The following GABBR2 variants were observed in gnomAD, a reference collection of about 807,000 sequenced individuals.
The protein encoded by GABBR2 is G-protein coupled receptor 51.
A neutral mutation model predicts 105.6 loss-of-function variants in GABBR2; 23 were observed. That is an observed-to-expected ratio of 0.22 (90% CI 0.16 to 0.31). The LOEUF (loss-of-function observed/expected upper bound fraction) is 0.31. GABBR2 is among the 10% of genes least tolerant of loss of function. The pLI is 1.00. For synonymous variants in GABBR2, 478 were observed against 499.7 expected, an observed-to-expected ratio of 0.96 and a Z score of 0.58; for missense variants, 734 against 1,245.5, an observed-to-expected ratio of 0.59 and a Z score of 6.18.
At chr9:98,488,687 A>G (rs1827111845) in intron 4 of GABBR2, among the ~76,000 whole-genome samples, 1 of 151,986 alleles carries the variant, frequency 6.6e-6, no homozygotes, top group African/African-American at 2.4e-5. Flanking sequence ...AAGCCCTTTC[A>G]TTCCTGTTTT....
intron 3 of GABBR2, among the ~76,000 whole-genome samples, chr9:98,539,217 T>C (rs2131737581): frequency 6.6e-6 from 1 of 152,310 alleles, no homozygotes; most frequent in South Asian, 2.1e-4. Context: ...TCCCCATCTG[T>C]AAAATGGGAA....
chr9:98,453,915 C>A lies in GABBR2; in HGVS notation c.1236+66G>T, dbSNP rs1826278831. The A allele has an allele frequency of 1.6e-5, 16 of 1,027,796 alleles. No homozygotes were observed. In the South Asian group the frequency reaches 1.7e-4, roughly 11 times the overall value. 63.7% of individuals were successfully genotyped at this position (1,027,796 alleles called of 1,614,324 possible). ...TCACATAACAGAAAGCCTGTAACAGCCCCTCTTTTGCTTTGCATGTTTACA... is the reference window on the plus strand; with the variant it reads ...TCACATAACAGAAAGCCTGTAACAGACCCTCTTTTGCTTTGCATGTTTACA... On this transcript the variant is annotated intron_variant, in intron 7 of 18. Coordinates refer to ENST00000259455, the MANE Select transcript of GABBR2 (RefSeq NM_005458.8).
intron 3 of GABBR2, among the ~76,000 whole-genome samples, chr9:98,534,405 G>A (rs1264579545): frequency 1.3e-5 from 2 of 152,172 alleles, no homozygotes; most frequent in African/African-American, 4.8e-5. Context: ...CCATGCAGTG[G>A]GGCTCCTGAA....
chr9:98,290,489 T>G lies in GABBR2; in HGVS notation c.*95A>C. On this transcript the variant is annotated 3_prime_UTR_variant, in exon 19 of 19. Coordinates refer to ENST00000259455, the MANE Select transcript of GABBR2 (RefSeq NM_005458.8). The stretch of plus-strand genomic sequence containing the variant: ...GAGAGGCCAGCCATGGTGCCCAGCT[T>G]CTCCGCAGCCAGAGCCGACAGTGTT... 1 of 923,210 alleles carries G rather than the reference T, an allele frequency of 1.1e-6. No individual in the cohort carries two copies. The highest frequency in any genetic ancestry group is 1.5e-6 in the Non-Finnish European group (1 of 687,912). 57.2% of individuals were successfully genotyped at this position (923,210 alleles called of 1,614,324 possible). A position where few individuals can be genotyped will look rare whatever the true frequency, so the allele number is the denominator to read the frequency against.
At chr9:98,464,851 G>T (rs1826512013) in intron 6 of GABBR2, among the ~76,000 whole-genome samples, 1 of 152,062 alleles carries the variant, frequency 6.6e-6, no homozygotes. Context: ...CATGTGCTGT[G>T]TCAACTCAGG....
At chr9:98,293,356 G>A (rs1194794291) in intron 18 of GABBR2, among the ~76,000 whole-genome samples, 1 of 152,096 alleles carries the variant, frequency 6.6e-6, no homozygotes, top group African/African-American at 2.4e-5. Flanking sequence ...CAGCCTCCTA[G>A]ATAGAATGGA....
intron 13 of GABBR2, among the ~76,000 whole-genome samples, chr9:98,352,199 G>GCTGGT (rs1456217521): frequency 6.6e-6 from 1 of 152,260 alleles, no homozygotes; most frequent in Non-Finnish European, 1.5e-5. Flanking sequence ...TGGTCCTGGG[G>GCTGGT]CTGGCCCCTG....
At position 98,611,937 on chromosome 9, in the gene GABBR2, A is replaced by G. The variant is rs76546331; in HGVS notation, c.322-33865T>C. On this transcript the variant is annotated intron_variant, in intron 1 of 18. Transcript: ENST00000259455. ...ACACAGCTGGAGGCTACACCAGGAG[A>G]ATGATTCATTCCAGAATCAAGGAGG... is the stretch of plus-strand genomic sequence containing the variant. Among the ~76,000 whole-genome samples, 71 of 152,370 alleles carry G rather than the reference A, an allele frequency of 4.7e-4. No individual in the cohort carries two copies. In the East Asian group the frequency reaches 0.013, roughly 28 times the overall value.
intron 1 of GABBR2, chr9:98,607,157 A>T (rs1400143469): frequency 1.2e-6 from 2 of 1,610,178 alleles, no homozygotes; most frequent in Admixed American, 3.3e-5. Flanking sequence ...GTTGCTGCTC[A>T]CAATAGTTGA....
chr9:98,428,854 C>A (rs769190303), intron 7 of GABBR2, among the ~76,000 whole-genome samples: 7 of 152,282 alleles, frequency 4.6e-5, no homozygotes, highest in African/African-American at 1.4e-4. Flanking sequence ...AGAAAGCAGA[C>A]CCAGAGATGG....
intron 13 of GABBR2, among the ~76,000 whole-genome samples, chr9:98,359,374 G>A (rs1413056433): frequency 6.6e-6 from 1 of 152,128 alleles, no homozygotes; most frequent in Non-Finnish European, 1.5e-5. Context: ...GTTGAGCAGC[G>A]AGCCAAGATC....
chr9:98,361,055 T>G (rs1226713389), intron 13 of GABBR2, among the ~76,000 whole-genome samples: 4 of 152,202 alleles, frequency 2.6e-5, no homozygotes, highest in African/African-American at 9.7e-5. Context: ...TTCTACTTTT[T>G]TCTCCTCATC....
chr9:98,469,814 C>T (rs1489767400), intron 6 of GABBR2, among the ~76,000 whole-genome samples: 1 of 152,158 alleles, frequency 6.6e-6, no homozygotes, highest in African/African-American at 2.4e-5. Context: ...TGACAAGAGC[C>T]CATTCACTTG....
In GABBR2 at chr9:98,321,151, T is replaced by A. The variant is rs143854785; in HGVS notation, c.1894-9946A>T. 2.5e-3 allele frequency among the ~76,000 whole-genome samples: 371 copies of A among 151,122 alleles called. 1 individual carries two copies. The highest frequency in any genetic ancestry group is 8.8e-3 in the African/African-American group (360 of 41,124). ...CTTCCCAGGACTCGGCCCTGGGGGG[T>A]CTGAGGCAATATTTCCTGGATCTCA... On this transcript the variant is annotated intron_variant, in intron 13 of 18. Coordinates refer to ENST00000259455, the MANE Select transcript of GABBR2 (RefSeq NM_005458.8).
intron 7 of GABBR2, among the ~76,000 whole-genome samples, chr9:98,427,424 A>G (rs1267654203): frequency 6.6e-6 from 1 of 152,168 alleles, no homozygotes; most frequent in Non-Finnish European, 1.5e-5. Flanking sequence ...CTGCCAATGC[A>G]CTTCAGAGTG....
At chr9:98,367,582 T>G (rs1402746385) in intron 12 of GABBR2, among the ~76,000 whole-genome samples, 6 of 152,162 alleles carry the variant, frequency 3.9e-5, no homozygotes, top group Non-Finnish European at 4.4e-5. Flanking sequence ...ACGAACAACA[T>G]GAACTGCCAA....
chr9:98,564,943 T>C (rs1246431494), intron 2 of GABBR2, among the ~76,000 whole-genome samples: 3 of 151,986 alleles, frequency 2.0e-5, no homozygotes, highest in Non-Finnish European at 2.9e-5. Flanking sequence ...TTGAACTAAA[T>C]ATCAGGAAAT....
At chr9:98,572,215 C>T (rs1828842800) in intron 2 of GABBR2, among the ~76,000 whole-genome samples, 1 of 152,210 alleles carries the variant, frequency 6.6e-6, no homozygotes, top group South Asian at 2.1e-4. Flanking sequence ...CTAAGTGACT[C>T]ACATCACGAC....
chr9:98,573,833 G>A (rs1417567571), intron 2 of GABBR2, among the ~76,000 whole-genome samples: 1 of 152,128 alleles, frequency 6.6e-6, no homozygotes, highest in Non-Finnish European at 1.5e-5. Context: ...GGCATGCATA[G>A]ATCTGTTTGT....
Sources: gnomAD v4.1 joint callset for allele counts (sites outside exome capture counted in the v4.1 genomes callset) on GRCh38, gnomAD v4.1.1 for gene constraint, MANE v1.5 for transcripts, NCBI Gene and HGNC (gene_info 2026-07-23, HGNC 2026-07-21) for gene names.